DLG2: variants seen among roughly 807,000 people sequenced by gnomAD.
The protein encoded by DLG2 is disks large homolog 2.
Under a neutral mutation model 132.5 loss-of-function variants are expected in DLG2, and 45 were observed. The observed-to-expected ratio is 0.34, with a 90% CI of 0.27 to 0.44. DLG2 has a LOEUF of 0.44. Among genes scored for constraint, DLG2 ranks in the 20% least tolerant of loss-of-function variants. The probability of loss-of-function intolerance (pLI) is 1.00; values close to 1 mark genes in which losing one functional copy is unlikely to be tolerated. For missense variants in DLG2, 1,045 were observed against 1,196.9 expected (o/e 0.87, Z 1.87); for synonymous variants, 424 against 419.6 (o/e 1.01, Z -0.13).
intron 8 of DLG2, among the ~76,000 whole-genome samples, chr11:84,213,818 C>CAAAAAAAA (rs35761640): frequency 2.1e-5 from 1 of 46,564 alleles, no homozygotes; most frequent in African/African-American, 5.9e-5. Context: ...GACTCCGTCT[C>CAAAAAAAA]AAAAAAAAAA....
intron 4 of DLG2, among the ~76,000 whole-genome samples, chr11:85,280,607 C>T (rs2078164193): frequency 6.6e-6 from 1 of 151,924 alleles, no homozygotes; most frequent in African/African-American, 2.4e-5. Context: ...AATACACACA[C>T]ATATACTTAA....
At chr11:84,469,625 C>T (rs892062535) in intron 7 of DLG2, among the ~76,000 whole-genome samples, 30 of 151,624 alleles carry the variant, frequency 2.0e-4, no homozygotes, top group African/African-American at 7.2e-4. Context: ...TGCTAGATTG[C>T]TGTAGCAAAA....
intron 19 of DLG2, among the ~76,000 whole-genome samples, chr11:83,553,264 T>A (rs1230665416): frequency 6.6e-6 from 1 of 152,194 alleles, no homozygotes; most frequent in Non-Finnish European, 1.5e-5. Flanking sequence ...AATTTTTATG[T>A]CTAAAATCAA....
chr11:84,751,070 A>G (rs1490765016), intron 6 of DLG2, among the ~76,000 whole-genome samples: 2 of 152,166 alleles, frequency 1.3e-5, no homozygotes, highest in Non-Finnish European at 2.9e-5. Context: ...AGGAAAAAGA[A>G]GACAGGTAGC....
intron 7 of DLG2, among the ~76,000 whole-genome samples, chr11:84,339,320 G>C (rs148031114): frequency 2.0e-5 from 3 of 152,124 alleles, no homozygotes; most frequent in Non-Finnish European, 4.4e-5. Context: ...CCATTATTTC[G>C]TCATATCCTC....
chr11:85,206,024 G>A (rs150675068), intron 4 of DLG2, among the ~76,000 whole-genome samples: 64 of 152,248 alleles, frequency 4.2e-4, no homozygotes, highest in African/African-American at 1.5e-3. Flanking sequence ...AGGTGGGGAC[G>A]GGTGGGAGGT....
chr11:84,675,771 C>T (rs142605432), intron 6 of DLG2, among the ~76,000 whole-genome samples: 4 of 152,174 alleles, frequency 2.6e-5, no homozygotes, highest in African/African-American at 7.2e-5. Flanking sequence ...CCTTTTACAC[C>T]GAGGAGGACT....
chr11:84,848,212 G>T (rs7113253), intron 6 of DLG2, among the ~76,000 whole-genome samples: 1 of 152,046 alleles, frequency 6.6e-6, no homozygotes, highest in Non-Finnish European at 1.5e-5. Flanking sequence ...AGCCAGTGAC[G>T]GCCTGGTGTG....
At chr11:84,661,739 G>T (rs1256278999) in intron 6 of DLG2, among the ~76,000 whole-genome samples, 1 of 152,078 alleles carries the variant, frequency 6.6e-6, no homozygotes, top group Non-Finnish European at 1.5e-5. Flanking sequence ...CAGAGATTCA[G>T]AGAGACTGAG....
chr11:83,828,663 A>T (rs2053592811), intron 17 of DLG2, among the ~76,000 whole-genome samples: 1 of 152,150 alleles, frequency 6.6e-6, no homozygotes, highest in African/African-American at 2.4e-5. Flanking sequence ...ATCTAGTCCA[A>T]TCCCTGTCCC....
At chr11:85,287,267 G>A (rs1259767518) in intron 3 of DLG2, among the ~76,000 whole-genome samples, 2 of 151,852 alleles carry the variant, frequency 1.3e-5, no homozygotes, top group East Asian at 3.9e-4. Context: ...TAATTTCACA[G>A]CACACAGACA....
chr11:83,668,867 A>ATTTT (rs10635194), intron 18 of DLG2, among the ~76,000 whole-genome samples: 1,638 of 110,386 alleles, frequency 0.015, 84 homozygotes, highest in African/African-American at 0.03. Flanking sequence ...ATATATATAT[A>ATTTT]TTTTTTTTTT....
intron 15 of DLG2, among the ~76,000 whole-genome samples, chr11:83,893,765 A>G (rs1054297395): frequency 6.6e-6 from 1 of 152,164 alleles, no homozygotes; most frequent in Admixed American, 6.6e-5. Flanking sequence ...GTCAAAAATC[A>G]TTGTTTTCAT....
At chr11:84,802,947 G>A (rs778660869) in intron 6 of DLG2, among the ~76,000 whole-genome samples, 3 of 151,958 alleles carry the variant, frequency 2.0e-5, no homozygotes, top group Non-Finnish European at 4.4e-5. Flanking sequence ...CAACAGGCAC[G>A]TACCACCACA....
At chr11:83,691,601 G>C (rs888279309) in intron 18 of DLG2, among the ~76,000 whole-genome samples, 1 of 152,098 alleles carries the variant, frequency 6.6e-6, no homozygotes, top group African/African-American at 2.4e-5. Flanking sequence ...CTTTCCCAAC[G>C]AACTTCAAAC....
intron 6 of DLG2, among the ~76,000 whole-genome samples, chr11:85,023,105 C>A (rs890360392): frequency 6.6e-6 from 1 of 151,794 alleles, no homozygotes; most frequent in African/African-American, 2.4e-5. Flanking sequence ...GAGTTTTTTT[C>A]TCTCACTTAT....
chr11:85,276,023 A>T (rs2077870619), intron 4 of DLG2, among the ~76,000 whole-genome samples: 1 of 152,198 alleles, frequency 6.6e-6, no homozygotes, highest in African/African-American at 2.4e-5. Flanking sequence ...AGTCTAAGGC[A>T]GGTAGATGTC....
At chr11:84,552,853 A>T (rs1449097540) in intron 6 of DLG2, among the ~76,000 whole-genome samples, 1 of 152,064 alleles carries the variant, frequency 6.6e-6, no homozygotes, top group African/African-American at 2.4e-5. Context: ...TATATCACTC[A>T]CCCCTTTAAA....
At chr11:84,269,586 C>T (rs2097692935) in intron 7 of DLG2, among the ~76,000 whole-genome samples, 1 of 152,176 alleles carries the variant, frequency 6.6e-6, no homozygotes, top group African/African-American at 2.4e-5. Context: ...GGGCAGAATT[C>T]CAATTAGGGG....
Sources: gnomAD v4.1 joint callset for allele counts (sites outside exome capture counted in the v4.1 genomes callset) on GRCh38, gnomAD v4.1.1 for gene constraint, MANE v1.5 for transcripts, NCBI Gene and HGNC (gene_info 2026-07-23, HGNC 2026-07-21) for gene names.